Variants in CORIN observed in about 807,000 individuals in gnomAD.
The protein encoded by CORIN is atrial natriuretic peptide-converting enzyme.
Under a neutral mutation model 125.3 loss-of-function variants are expected in CORIN, and 117 were observed. That is an observed-to-expected ratio of 0.93 (90% CI 0.80 to 1.09). The LOEUF is 1.09. CORIN is among the 50% of genes least tolerant of loss of function. The probability of loss-of-function intolerance (pLI) is 0.00; values close to 1 mark genes in which losing one functional copy is unlikely to be tolerated. For synonymous variants in CORIN, 450 were observed against 466.4 expected (o/e 0.96, Z 0.45); for missense variants, 1,253 against 1,306.7 (o/e 0.96, Z 0.63).
At chr4:47,811,359 A>G (rs1019446414) in intron 1 of CORIN, among the ~76,000 whole-genome samples, 1 of 152,168 alleles carries the variant, frequency 6.6e-6, no homozygotes, top group African/African-American at 2.4e-5. Flanking sequence ...TTTTGAGTCC[A>G]TTTTATCAAG....
At chr4:47,789,565 A>G (rs181306740) in intron 2 of CORIN, among the ~76,000 whole-genome samples, 109 of 152,318 alleles carry the variant, frequency 7.2e-4, no homozygotes, top group African/African-American at 2.5e-3. Context: ...AACTTAAAGG[A>G]CATGTCTTTA....
intron 12 of CORIN, 69 bp downstream of exon 12, chr4:47,661,642 G>T: frequency 7.3e-7 from 1 of 1,374,302 alleles, no homozygotes; most frequent in Non-Finnish European, 9.9e-7. Flanking sequence ...ATAAATAGAA[G>T]AAATTCAAAA....
At chr4:47,601,485 G>C (rs1721446652) in intron 20 of CORIN, among the ~76,000 whole-genome samples, 1 of 151,902 alleles carries the variant, frequency 6.6e-6, no homozygotes, top group Non-Finnish European at 1.5e-5. Context: ...TGGGACTACA[G>C]GCACACACCC....
chr4:47,655,590 C>A (rs753893021), intron 12 of CORIN, among the ~76,000 whole-genome samples: 3 of 152,150 alleles, frequency 2.0e-5, no homozygotes, highest in Admixed American at 6.5e-5. Flanking sequence ...CACTAGCACT[C>A]TTCCATTACC....
rs373734354 is a variant in CORIN, at chr4:47,642,222, TA to T, written c.2069-174del. Among the ~76,000 whole-genome samples, 517 of 149,044 alleles carry T rather than the reference TA, an allele frequency of 3.5e-3. 3 individuals are homozygous for T. Among genetic ancestry groups the T allele is most frequent in the African/African-American group, 0.01 (414 of 40,776 alleles). ...CACTGCCTTCAGTGTGCTAGAGGGC[TA>T]AAAAAAAAATGAATTAGAAATGTTC... On this transcript the variant is annotated intron_variant, in intron 15 of 21. Transcript: ENST00000273857.
Position 47,626,534 on chromosome 4 carries a change from A to G in CORIN, c.2199-13T>C. 1 of 1,462,110 alleles carries G rather than the reference A, an allele frequency of 6.8e-7. No individual in the cohort carries two copies. The highest frequency in any genetic ancestry group is 9.6e-7 in the Non-Finnish European group (1 of 1,041,522). The allele number at this position is 1,462,110 out of a possible 1,614,324, so 90.6% of individuals were successfully genotyped here. On this transcript the variant is annotated splice_polypyrimidine_tract_variant and intron_variant, in intron 16 of 21. Transcript: ENST00000273857. ...CACAGATGGTTCTCTGATACAAGGC[A>G]AATACTGGATAAGTATTCAAAGTAC...
At chr4:47,776,281 C>G (rs973472297) in intron 3 of CORIN, among the ~76,000 whole-genome samples, 11 of 151,330 alleles carry the variant, frequency 7.3e-5, no homozygotes, top group East Asian at 3.9e-4. Flanking sequence ...TCCCAAAGTG[C>G]TAGGATTTTG....
At chr4:47,677,886 A>T in intron 9 of CORIN, 52 bp downstream of exon 9, 1 of 1,277,268 alleles carries the variant, frequency 7.8e-7, no homozygotes, top group Non-Finnish European at 1.1e-6. Flanking sequence ...CTTTGTTCCC[A>T]AGGAGAGGAC....
chr4:47,623,115 TATAC>T (rs1345346398), intron 19 of CORIN, among the ~76,000 whole-genome samples: 16 of 135,040 alleles, frequency 1.2e-4, no homozygotes, highest in Non-Finnish European at 1.5e-4. Flanking sequence ...TATATATATA[TATAC>T]ACACACACAC....
At chr4:47,703,881 G>A (rs768906665) in intron 5 of CORIN, among the ~76,000 whole-genome samples, 3 of 152,218 alleles carry the variant, frequency 2.0e-5, no homozygotes, top group Admixed American at 6.5e-5. Flanking sequence ...AAACAACCCA[G>A]ATAACTGGAG....
intron 5 of CORIN, among the ~76,000 whole-genome samples, chr4:47,696,833 CTCTG>C (rs1478974323): frequency 2.0e-5 from 3 of 152,200 alleles, no homozygotes; most frequent in Non-Finnish European, 4.4e-5. Context: ...CCTAGGCTCT[CTCTG>C]TCTGTGTATC....
At chr4:47,775,386 G>A (rs570698160) in intron 3 of CORIN, among the ~76,000 whole-genome samples, 16 of 151,640 alleles carry the variant, frequency 1.1e-4, no homozygotes, top group Non-Finnish European at 1.9e-4. Flanking sequence ...ACCCCACGAC[G>A]GGCCCCCGTG....
chr4:47,653,400 A>G (rs962966461), intron 13 of CORIN, among the ~76,000 whole-genome samples, 153 bp downstream of exon 13: 3 of 152,250 alleles, frequency 2.0e-5, no homozygotes, highest in Non-Finnish European at 2.9e-5. Context: ...CACTTAAAAT[A>G]TATGCCATAC....
intron 5 of CORIN, among the ~76,000 whole-genome samples, chr4:47,723,604 C>T (rs765858258): frequency 6.6e-5 from 10 of 152,150 alleles, no homozygotes; most frequent in Non-Finnish European, 1.2e-4. Flanking sequence ...AACAAACACA[C>T]AAACAAAATT....
At position 47,723,353 on chromosome 4, in the gene CORIN, T is replaced by C. The variant is rs114621878; in HGVS notation, c.799+21049A>G. ...ATGTATAAAGTCCTGCCTGGGTTTA[T>C]CCCTCAGGTCTCCATGCATGAAAAT... On this transcript the variant is annotated intron_variant, in intron 5 of 21. Transcript: ENST00000273857. 6.0e-3 allele frequency among the ~76,000 whole-genome samples: 910 copies of C among 152,224 alleles called. 8 individuals are homozygous for C. Among genetic ancestry groups the C allele is most frequent in the African/African-American group, 0.02 (849 of 41,544 alleles).
intron 5 of CORIN, among the ~76,000 whole-genome samples, chr4:47,737,458 C>A (rs1386636263): frequency 1.3e-5 from 2 of 152,198 alleles, no homozygotes; most frequent in Non-Finnish European, 2.9e-5. Context: ...ACACTCTTCC[C>A]AGGAAGGACC....
At chr4:47,724,073 T>A (rs1436076225) in intron 5 of CORIN, among the ~76,000 whole-genome samples, 2 of 150,814 alleles carry the variant, frequency 1.3e-5, no homozygotes, top group Non-Finnish European at 2.9e-5. Context: ...GCACCACCCC[T>A]GAAGTGACCT....
intron 21 of CORIN, among the ~76,000 whole-genome samples, chr4:47,598,229 C>T (rs1027278567): frequency 6.6e-6 from 1 of 152,050 alleles, no homozygotes; most frequent in African/African-American, 2.4e-5. Context: ...TTCATTATGT[C>T]CTGTTGATAC....
At chr4:47,736,403 G>C (rs893552920) in intron 5 of CORIN, among the ~76,000 whole-genome samples, 1 of 152,206 alleles carries the variant, frequency 6.6e-6, no homozygotes, top group African/African-American at 2.4e-5. Flanking sequence ...CTGTTGGAAG[G>C]CATCTGAGAG....
Sources: allele counts gnomAD v4.1 joint callset (sites outside exome capture counted in the v4.1 genomes callset), GRCh38; gene constraint gnomAD v4.1.1; transcripts MANE v1.5; gene names NCBI Gene and HGNC (gene_info 2026-07-23, HGNC 2026-07-21).